PHF21B: variants seen among roughly 807,000 people sequenced by gnomAD.
PHF21B encodes the protein PHD finger protein 21B, also known as PHD finger protein 4.
PHF21B carries 22 observed loss-of-function variants against 62.2 expected under a neutral mutation model. The observed-to-expected ratio is 0.35, with a 90% CI of 0.25 to 0.51. The LOEUF is 0.51. PHF21B is among the 20% of genes least tolerant of loss of function. The pLI, the probability that PHF21B is intolerant of heterozygous loss-of-function variation, is 0.97. For synonymous variants in PHF21B, 341 were observed against 314.7 expected, an observed-to-expected ratio of 1.08 and a Z score of -0.88; for missense variants, 701 against 707.9, an observed-to-expected ratio of 0.99 and a Z score of 0.11.
intron 2 of PHF21B, among the ~76,000 whole-genome samples, chr22:44,921,963 TGGA>T (rs1326222770): frequency 2.0e-5 from 3 of 152,108 alleles, no homozygotes; most frequent in African/African-American, 7.2e-5. Flanking sequence ...CCGGTCCTGA[TGGA>T]GCAGTTCTAC....
chr22:44,921,201 G>C (rs1414975987), intron 2 of PHF21B, among the ~76,000 whole-genome samples: 1 of 152,180 alleles, frequency 6.6e-6, no homozygotes, highest in Non-Finnish European at 1.5e-5. Flanking sequence ...ACCACTAGCA[G>C]GGTGGACATT....
intron 5 of PHF21B, among the ~76,000 whole-genome samples, chr22:44,912,476 G>C (rs953490219): frequency 2.0e-5 from 3 of 151,900 alleles, no homozygotes; most frequent in Non-Finnish European, 4.4e-5. Context: ...TCGTGATAGT[G>C]AATAGGTCTC....
At chr22:44,940,186 G>A (rs754742877) in intron 2 of PHF21B, among the ~76,000 whole-genome samples, 2 of 152,142 alleles carry the variant, frequency 1.3e-5, no homozygotes, top group East Asian at 1.9e-4. Flanking sequence ...CAGTTTTTCC[G>A]CACCTCCTCT....
intron 9 of PHF21B, among the ~76,000 whole-genome samples, chr22:44,889,041 G>T (rs2070912828): frequency 6.6e-6 from 1 of 152,242 alleles, no homozygotes. Context: ...ACCAACCCGT[G>T]CCATTGCAGG....
Position 44,916,530 on chromosome 22 carries a change from C to A in PHF21B, c.314G>T (p.Ser105Ile), listed in dbSNP as rs140879621. ...PPTFQKATVV[S>I]VKNPSPALPT... ...GAGGGCTGGGCTGGGGTTCTTGACG[C>A]TGACCACGGTGGCCTTCTGGAATGT... The change falls in exon 4 of 13, where the codon AGC becomes ATC. Residue 105 changes from serine (S) to isoleucine (I), a missense_variant. Physicochemically the swap from Ser to Ile is moderately radical, Grantham distance 142. Coordinates refer to ENST00000313237, the MANE Select transcript of PHF21B (RefSeq NM_138415.5). 1 of 1,609,702 alleles carries A rather than the reference C, an allele frequency of 6.2e-7. No homozygotes were observed.
chr22:44,889,969 A>T (rs1158514401), intron 8 of PHF21B, among the ~76,000 whole-genome samples, 187 bp from the exon 9 acceptor site: 1 of 149,978 alleles, frequency 6.7e-6, no homozygotes, highest in African/African-American at 2.5e-5. Context: ...AGGCCCTGTG[A>T]TACCTGGGAT....
At position 45,009,972 on chromosome 22, in the gene PHF21B, A is replaced by AAGTTGTGCCTCGGCAC. The variant is rs1163440509; in HGVS notation, c.-439_-424dup. On this transcript the variant is annotated 5_prime_UTR_variant, in exon 1 of 13. Transcript: ENST00000313237. This position sits in a 1 kb window ranked among gnomAD's most constrained non-coding sequence, Gnocchi z 5.9. Reference sequence around the variant, plus strand: ...GCCTGGATCTCGTTGGGCCTCGGCAAAGTTGTGCCTCGGCACGATGCTAAT... The same window carrying AAGTTGTGCCTCGGCAC: ...GCCTGGATCTCGTTGGGCCTCGGCAAAGTTGTGCCTCGGCACAGTTGTGCCTCGGCACGATGCTAAT... 2.1e-4 allele frequency: 30 copies of AAGTTGTGCCTCGGCAC among 145,434 alleles called. No homozygotes were observed. Among genetic ancestry groups the AAGTTGTGCCTCGGCAC allele is most frequent in the African/African-American group, 6.7e-4 (27 of 40,372 alleles). The allele number at this position is 145,434 out of a possible 1,614,324, so 9.0% of individuals were successfully genotyped here. A position where few individuals can be genotyped will look rare whatever the true frequency, so the allele number is the denominator to read the frequency against.
chr22:45,008,695 C>T (rs2073371844), intron 1 of PHF21B, 85 bp from the exon 2 acceptor site: 16 of 1,186,774 alleles, frequency 1.3e-5, no homozygotes, highest in Non-Finnish European at 1.4e-5. Context: ...ACCCCCCGCC[C>T]GGAGCCCCAC....
At chr22:44,954,575 T>C (rs1158277334) in intron 2 of PHF21B, among the ~76,000 whole-genome samples, 5 of 152,266 alleles carry the variant, frequency 3.3e-5, no homozygotes, top group Non-Finnish European at 5.9e-5. Flanking sequence ...GTCTGCATTT[T>C]ACCATCTTCC....
intron 7 of PHF21B, among the ~76,000 whole-genome samples, chr22:44,892,320 G>C (rs182859660): frequency 5.3e-5 from 8 of 152,234 alleles, no homozygotes; most frequent in African/African-American, 1.7e-4. Flanking sequence ...GAACAGGAGC[G>C]GGGCAGGCAG....
intron 2 of PHF21B, among the ~76,000 whole-genome samples, chr22:44,983,503 T>A (rs2072880815): frequency 6.6e-6 from 1 of 152,198 alleles, no homozygotes; most frequent in Non-Finnish European, 1.5e-5. Flanking sequence ...GAGGGGTCCC[T>A]GTGGGCATCA....
intron 2 of PHF21B, among the ~76,000 whole-genome samples, chr22:44,982,536 A>T (rs903513843): frequency 5.9e-5 from 9 of 152,172 alleles, no homozygotes; most frequent in Non-Finnish European, 1.0e-4. Context: ...CCACAGGCCC[A>T]AGTGCTCGGC....
At chr22:44,900,895 C>A (rs1293605409) in intron 5 of PHF21B, among the ~76,000 whole-genome samples, 2 of 151,936 alleles carry the variant, frequency 1.3e-5, no homozygotes, top group African/African-American at 4.8e-5. Flanking sequence ...CTGGAGCACA[C>A]ATCAGCTGTC....
intron 2 of PHF21B, among the ~76,000 whole-genome samples, chr22:44,952,915 T>C (rs950437783): frequency 1.3e-5 from 2 of 151,822 alleles, no homozygotes; most frequent in Non-Finnish European, 2.9e-5. Context: ...TAGCCCTCGG[T>C]TGCCCTCGGG....
chr22:44,957,224 G>T (rs533055374), intron 2 of PHF21B, among the ~76,000 whole-genome samples: 1 of 152,250 alleles, frequency 6.6e-6, no homozygotes, highest in Non-Finnish European at 1.5e-5. Context: ...GAACACAGTT[G>T]CACAGTGCTC....
At chr22:44,984,170 T>C (rs1438385301) in intron 2 of PHF21B, among the ~76,000 whole-genome samples, 11 of 145,708 alleles carry the variant, frequency 7.5e-5, no homozygotes, top group East Asian at 4.1e-4. Context: ...ACCACCATCA[T>C]CACCATCACA....
Position 44,916,423 on chromosome 22 carries a change from AGGCGAGGGCGGCGGGCTC to A in PHF21B, c.403_420del (p.Glu135_Ala140del). On this transcript the variant is annotated inframe_deletion, in exon 4 of 13. Transcript: ENST00000313237. ...GCCACCCCCGCACTGCTCAGCGGAGAGGCGAGGGCGGCGGGCTCGGCGAGGGCCTGGGGCTGGCTGCCG... is the reference window on the plus strand; with the variant it reads ...GCCACCCCCGCACTGCTCAGCGGAGAGGCGAGGGCCTGGGGCTGGCTGCCG... The A allele has an allele frequency of 6.3e-7, 1 of 1,595,782 alleles. No individual in the cohort carries two copies. The highest frequency in any genetic ancestry group is 8.5e-7 in the Non-Finnish European group (1 of 1,175,628).
intron 5 of PHF21B, among the ~76,000 whole-genome samples, chr22:44,899,274 C>T (rs1428800286): frequency 2.0e-5 from 3 of 147,310 alleles, no homozygotes; most frequent in Non-Finnish European, 3.0e-5. Flanking sequence ...ACATGCCCCT[C>T]TGTTCTTATT....
intron 5 of PHF21B, among the ~76,000 whole-genome samples, chr22:44,911,380 C>A (rs1254517915): frequency 6.6e-6 from 1 of 152,080 alleles, no homozygotes; most frequent in East Asian, 1.9e-4. Flanking sequence ...ATGTCAGAGA[C>A]CTTTGCAGCA....
Sources: gnomAD v4.1 joint callset for allele counts (sites outside exome capture counted in the v4.1 genomes callset) on GRCh38, gnomAD v4.1.1 for gene constraint, Gnocchi (gnomAD v3.1) non-coding constraint, MANE v1.5 for transcripts, NCBI Gene and HGNC (gene_info 2026-07-23, HGNC 2026-07-21) for gene names.